TSHR: variants seen among roughly 807,000 people sequenced by gnomAD.
TSHR encodes thyroid stimulating hormone receptor.
A neutral mutation model predicts 64.1 loss-of-function variants in TSHR; 51 were observed. The observed-to-expected ratio is 0.80, with a 90% confidence interval of 0.64 to 1.01. TSHR has a LOEUF of 1.01. TSHR is among the 50% of genes least tolerant of loss of function. The pLI is 0.00. For synonymous variants in TSHR, 361 were observed against 361.9 expected (o/e 1.00, Z 0.03); for missense variants, 877 against 942.8 (o/e 0.93, Z 0.91).
Position 81,081,579 on chromosome 14 carries a change from C to A in TSHR, c.318-6375C>A, listed in dbSNP as rs147107032. On this transcript the variant is annotated intron_variant, in intron 3 of 9. Transcript: ENST00000298171. ...CAGATGAAATTAACTTTTTAAAGAT[C>A]ACTGTGCATTAAACTTGAAATTAAT... Among the ~76,000 whole-genome samples the A allele has an allele frequency of 4.3e-3, 653 of 152,234 alleles. 8 individuals carry two copies. The highest frequency in any genetic ancestry group is 0.015 in the African/African-American group (640 of 41,530).
In TSHR at chr14:80,981,624, T is replaced by C. The variant is rs77472779; in HGVS notation, c.170+25774T>C. ...GTTCCTTTCTAGGTTCCTGTAGAGA[T>C]CTGTAGGTAGCTGTTCACTAGGGAG... On this transcript the variant is annotated intron_variant, in intron 1 of 9. Coordinates refer to ENST00000298171, the MANE Select transcript of TSHR (RefSeq NM_000369.5). 6.1e-3 allele frequency among the ~76,000 whole-genome samples: 922 copies of C among 152,216 alleles called. 17 individuals carry two copies. Among genetic ancestry groups the C allele is most frequent in the African/African-American group, 0.021 (870 of 41,520 alleles).
intron 3 of TSHR, chr14:81,087,639 T>TGAAAGC: frequency 2.8e-6 from 1 of 362,312 alleles, no homozygotes; most frequent in South Asian, 2.6e-5. Context: ...ATTGGAGGGA[T>TGAAAGC]TTTTCTTTTT....
intron 1 of TSHR, among the ~76,000 whole-genome samples, chr14:80,969,604 A>G (rs1887495532): frequency 6.6e-6 from 1 of 152,184 alleles, no homozygotes; most frequent in Non-Finnish European, 1.5e-5. Flanking sequence ...TCTTGATTAG[A>G]CTTGATGAAA....
chr14:81,097,621 T>C (rs1220821764), intron 7 of TSHR, among the ~76,000 whole-genome samples: 2 of 152,252 alleles, frequency 1.3e-5, no homozygotes, highest in African/African-American at 2.4e-5. Flanking sequence ...TCTAACCCTA[T>C]GCAGTGGCTC....
chr14:81,097,310 A>C (rs1280651621), intron 7 of TSHR, among the ~76,000 whole-genome samples: 1 of 151,224 alleles, frequency 6.6e-6, no homozygotes, highest in Non-Finnish European at 1.5e-5. Flanking sequence ...CTTGTTATGT[A>C]TTCATTTTTG....
chr14:80,971,739 G>A (rs907565264), intron 1 of TSHR, among the ~76,000 whole-genome samples: 1 of 152,174 alleles, frequency 6.6e-6, no homozygotes, highest in Non-Finnish European at 1.5e-5. Context: ...ACATACTCCT[G>A]TCAGTATAAG....
chr14:81,136,792 G>A (rs1214139626), intron 8 of TSHR, among the ~76,000 whole-genome samples: 2 of 152,148 alleles, frequency 1.3e-5, no homozygotes, highest in Admixed American at 6.5e-5. Flanking sequence ...AGTTCAGCCC[G>A]AGTGGGACCT....
intron 8 of TSHR, among the ~76,000 whole-genome samples, chr14:81,116,676 C>T (rs1463441779): frequency 3.4e-5 from 5 of 146,058 alleles, no homozygotes; most frequent in South Asian, 2.3e-4. Context: ...CTGCACCAAG[C>T]GGACCTAATA....
In TSHR at chr14:81,028,061, G is replaced by A. The variant is rs562744865; in HGVS notation, c.171-34087G>A. Among the ~76,000 whole-genome samples the A allele has an allele frequency of 9.2e-5, 14 of 152,194 alleles. No individual in the cohort carries two copies. The East Asian group carries it at 2.5e-3, about 27-fold the overall frequency. ...ATTCTAAAAGCATCATTCATAGTGA[G>A]AAATTAATAGGTACTGTTTAAAGGA... On this transcript the variant is annotated intron_variant, in intron 1 of 9. Transcript: ENST00000298171.
At chr14:80,972,268 A>T (rs1427456254) in intron 1 of TSHR, among the ~76,000 whole-genome samples, 2 of 152,090 alleles carry the variant, frequency 1.3e-5, no homozygotes, top group Non-Finnish European at 2.9e-5. Flanking sequence ...GTACTACCTT[A>T]AAAAAACCTA....
At chr14:81,135,907 T>C (rs552220571) in intron 8 of TSHR, among the ~76,000 whole-genome samples, 1 of 152,356 alleles carries the variant, frequency 6.6e-6, no homozygotes, top group East Asian at 1.9e-4. Flanking sequence ...TTGTTCCCCC[T>C]GCTTGACCCT....
chr14:81,039,036 C>T (rs967686657), intron 1 of TSHR, among the ~76,000 whole-genome samples: 1 of 151,744 alleles, frequency 6.6e-6, no homozygotes, highest in Admixed American at 6.6e-5. Flanking sequence ...CATCTAAATT[C>T]ATTCTATGAG....
chr14:80,956,771 C>T (rs1418320355), intron 1 of TSHR, among the ~76,000 whole-genome samples: 1 of 152,136 alleles, frequency 6.6e-6, no homozygotes, highest in Non-Finnish European at 1.5e-5. Context: ...GAATTTAGCT[C>T]ATGAAGACTA....
intron 8 of TSHR, among the ~76,000 whole-genome samples, chr14:81,122,585 G>T (rs1310292134): frequency 1.3e-5 from 2 of 152,068 alleles, no homozygotes; most frequent in Non-Finnish European, 2.9e-5. Context: ...TGTGTCAGGA[G>T]AGGAAATGTG....
At chr14:81,090,621 T>C (rs1333356214) in intron 4 of TSHR, among the ~76,000 whole-genome samples, 1 of 152,158 alleles carries the variant, frequency 6.6e-6, no homozygotes, top group Non-Finnish European at 1.5e-5. Context: ...CTTGGCAAAA[T>C]AACAGCATAA....
chr14:81,087,756 G>C, intron 3 of TSHR, 198 bp from the exon 4 acceptor site: 1 of 641,782 alleles, frequency 1.6e-6, no homozygotes, highest in South Asian at 1.7e-5. Context: ...GAGCTGAGCA[G>C]CCATTGGGTC....
chr14:81,017,198 G>C (rs949029465), intron 1 of TSHR, among the ~76,000 whole-genome samples: 2 of 152,198 alleles, frequency 1.3e-5, no homozygotes, highest in African/African-American at 4.8e-5. Context: ...ATGGGTTTAA[G>C]GGCACTTGGG....
intron 1 of TSHR, among the ~76,000 whole-genome samples, chr14:81,047,725 G>T (rs1025334420): frequency 1.4e-5 from 2 of 146,052 alleles, no homozygotes; most frequent in Admixed American, 7.1e-5. Context: ...GCAGTGGCAC[G>T]ATCTCAGCTC....
chr14:81,100,407 T>C (rs574750961), intron 7 of TSHR, among the ~76,000 whole-genome samples: 3 of 152,256 alleles, frequency 2.0e-5, no homozygotes, highest in Non-Finnish European at 4.4e-5. Context: ...AATACAACAG[T>C]TTTGACACCA....
Sources: gnomAD v4.1 joint callset for allele counts (sites outside exome capture counted in the v4.1 genomes callset) on GRCh38, gnomAD v4.1.1 for gene constraint, MANE v1.5 for transcripts, NCBI Gene and HGNC (gene_info 2026-07-23, HGNC 2026-07-21) for gene names.